The following SPIDR variants were observed in gnomAD, a reference collection of about 807,000 sequenced individuals.
SPIDR encodes scaffold protein involved in DNA repair.
A neutral mutation model predicts 104.6 loss-of-function variants in SPIDR; 93 were observed. The observed-to-expected ratio is 0.89, with a 90% CI of 0.75 to 1.06. The LOEUF (loss-of-function observed/expected upper bound fraction) is 1.06. SPIDR is among the 50% of genes least tolerant of loss of function. The pLI, the probability that SPIDR is intolerant of heterozygous loss-of-function variation, is 0.00. For missense variants in SPIDR, 1,154 were observed against 1,111.2 expected (o/e 1.04, Z -0.55); for synonymous variants, 431 against 416.9 (o/e 1.03, Z -0.41).
At chr8:47,514,487 C>T (rs1237778966) in intron 8 of SPIDR, among the ~76,000 whole-genome samples, 1 of 152,116 alleles carries the variant, frequency 6.6e-6, no homozygotes, top group Non-Finnish European at 1.5e-5. Flanking sequence ...GATGTGTCTA[C>T]AGAAATATGT....
intron 5 of SPIDR, among the ~76,000 whole-genome samples, chr8:47,347,805 G>A (rs1587454343): frequency 6.6e-6 from 1 of 152,208 alleles, no homozygotes; most frequent in African/African-American, 2.4e-5. Flanking sequence ...TTGCTTGGTA[G>A]ATCTTCCTCC....
intron 8 of SPIDR, among the ~76,000 whole-genome samples, chr8:47,525,270 G>A (rs1244948627): frequency 1.3e-5 from 2 of 152,216 alleles, no homozygotes; most frequent in Non-Finnish European, 2.9e-5. Flanking sequence ...GTGCCAAAGG[G>A]CAGCTGCTTG....
intron 10 of SPIDR, among the ~76,000 whole-genome samples, chr8:47,625,634 A>G (rs2065942989): frequency 6.6e-6 from 1 of 152,130 alleles, no homozygotes; most frequent in Non-Finnish European, 1.5e-5. Flanking sequence ...ACTCCCATTC[A>G]CAATTGCTTC....
chr8:47,349,978 A>G (rs1295289710), intron 5 of SPIDR, among the ~76,000 whole-genome samples: 1 of 152,216 alleles, frequency 6.6e-6, no homozygotes, highest in East Asian at 1.9e-4. Flanking sequence ...GGCTGCACCC[A>G]CTGTCCAGCC....
chr8:47,524,808 TACTC>T (rs1269564416), intron 8 of SPIDR, among the ~76,000 whole-genome samples: 1 of 152,214 alleles, frequency 6.6e-6, no homozygotes, highest in African/African-American at 2.4e-5. Context: ...AAAAGTTTAA[TACTC>T]AGTATTCAAA....
At chr8:47,504,308 A>G (rs191600432) in intron 8 of SPIDR, among the ~76,000 whole-genome samples, 203 of 152,078 alleles carry the variant, frequency 1.3e-3, no homozygotes, top group African/African-American at 4.7e-3. Context: ...ACATAGTCCC[A>G]TATTTCTTGG....
At chr8:47,402,177 C>T (rs928751064) in intron 6 of SPIDR, among the ~76,000 whole-genome samples, 4 of 151,980 alleles carry the variant, frequency 2.6e-5, no homozygotes, top group African/African-American at 4.8e-5. Flanking sequence ...TGTCCCACTA[C>T]GAGAATCTCT....
chr8:47,644,570 G>C (rs534399006), intron 10 of SPIDR, among the ~76,000 whole-genome samples: 1 of 152,292 alleles, frequency 6.6e-6, no homozygotes, highest in African/African-American at 2.4e-5. Flanking sequence ...TTTGTAGCCA[G>C]GTAACCTTGG....
chr8:47,587,894 T>C lies in SPIDR; in HGVS notation c.1098-7917T>C, dbSNP rs1194607538. Among the ~76,000 whole-genome samples, 3 of 150,944 alleles carry C rather than the reference T, an allele frequency of 2.0e-5. No homozygotes were observed. The East Asian group carries it at 5.8e-4, about 29-fold the overall frequency. On this transcript the variant is annotated intron_variant, in intron 8 of 19. Coordinates refer to ENST00000297423, the MANE Select transcript of SPIDR (RefSeq NM_001080394.4). The stretch of plus-strand genomic sequence containing the variant: ...TGTGTCTATCCCTTCAATAACACCA[T>C]ATAATATTGGTTATTATAGTTATAA...
intron 10 of SPIDR, among the ~76,000 whole-genome samples, chr8:47,633,203 T>G (rs2067328217): frequency 6.6e-6 from 1 of 152,246 alleles, no homozygotes; most frequent in East Asian, 1.9e-4. Context: ...CTGGCTGTCA[T>G]GATAAGTGTC....
Position 47,599,143 on chromosome 8 carries a change from C to A in SPIDR, c.1491C>A (p.Ser497Arg), listed in dbSNP as rs1422498632. Residue 497 changes from serine to arginine, a missense_variant, in exon 10 of 20, where the codon AGC becomes AGA. By Grantham distance (110) the Ser-to-Arg change is moderately radical. Transcript: ENST00000297423. ...QRVYSLPSRD[S>R]TRGQQGASSG... ...TGTATTCTCTTCCCAGCAGAGACAG[C>A]ACCAGGGGTCAGCAGGGGGCCAGCT... The A allele has an allele frequency of 1.2e-5, 20 of 1,613,568 alleles. No homozygotes were observed. The highest frequency in any genetic ancestry group is 1.7e-5 in the Non-Finnish European group (20 of 1,179,894).
intron 10 of SPIDR, among the ~76,000 whole-genome samples, chr8:47,655,125 A>G (rs1212322140): frequency 6.6e-6 from 1 of 152,148 alleles, no homozygotes; most frequent in Non-Finnish European, 1.5e-5. Context: ...CCAGTCTATT[A>G]TTGTTGGACA....
intron 8 of SPIDR, among the ~76,000 whole-genome samples, chr8:47,466,948 G>GATAGATATATAT (rs1554717789): frequency 7.5e-6 from 1 of 133,462 alleles, no homozygotes; most frequent in Non-Finnish European, 1.6e-5. Flanking sequence ...TAGATAGATA[G>GATAGATATATAT]ATATAAAAAA....
intron 8 of SPIDR, chr8:47,511,964 C>A: frequency 2.5e-6 from 2 of 785,794 alleles, no homozygotes; most frequent in South Asian, 2.7e-5. Context: ...CCTCTGGACA[C>A]TGAACTGGGG....
chr8:47,485,069 G>C lies in SPIDR; in HGVS notation c.1097+44527G>C, dbSNP rs570750904. The stretch of plus-strand genomic sequence containing the variant: ...CGAGGCATGGCCTCACCCGGGAAGT[G>C]CAAGGGGTCAGGGAATTCCCTTTCC... On this transcript the variant is annotated intron_variant, in intron 8 of 19. Transcript: ENST00000297423. Among the ~76,000 whole-genome samples, 21 of 152,364 alleles carry C rather than the reference G, an allele frequency of 1.4e-4. No homozygotes were observed. In the South Asian group the frequency reaches 1.7e-3, roughly 12 times the overall value.
chr8:47,659,684 C>T, intron 10 of SPIDR: 13 of 982,088 alleles, frequency 1.3e-5, no homozygotes, highest in Non-Finnish European at 1.6e-5. Context: ...GGCTCCCTTG[C>T]GCTCAGGTTC....
intron 2 of SPIDR, among the ~76,000 whole-genome samples, chr8:47,282,946 C>G (rs1316986607): frequency 2.6e-5 from 4 of 151,946 alleles, no homozygotes; most frequent in African/African-American, 9.7e-5. Flanking sequence ...ACCTCCACCT[C>G]CCAGGTTCAG....
At chr8:47,330,772 G>T (rs782446613) in intron 5 of SPIDR, 1 of 456,154 alleles carries the variant, frequency 2.2e-6, no homozygotes, top group Admixed American at 2.3e-5. Context: ...CATCTGGGTT[G>T]CTTCTAGGTT....
intron 5 of SPIDR, among the ~76,000 whole-genome samples, chr8:47,310,139 C>T (rs1018149138): frequency 6.6e-6 from 1 of 151,390 alleles, no homozygotes; most frequent in Non-Finnish European, 1.5e-5. Flanking sequence ...TTGAGACCAT[C>T]CTGGCTAACA....
Sources: allele counts gnomAD v4.1 joint callset (sites outside exome capture counted in the v4.1 genomes callset), GRCh38; gene constraint gnomAD v4.1.1; transcripts MANE v1.5; gene names NCBI Gene and HGNC (gene_info 2026-07-23, HGNC 2026-07-21).